The following FARS2 variants were observed in gnomAD, a reference collection of about 807,000 sequenced individuals.
FARS2 encodes the protein phenylalanyl-tRNA synthetase 2, mitochondrial.
FARS2 carries 40 observed loss-of-function variants against 46.4 expected under a neutral mutation model. That is an observed-to-expected ratio of 0.86 (90% CI 0.67 to 1.12). FARS2 has a LOEUF of 1.12. FARS2 is among the 50% of genes most tolerant of loss of function. The probability of loss-of-function intolerance (pLI) is 0.00; values close to 1 mark genes in which losing one functional copy is unlikely to be tolerated. For missense variants in FARS2, 513 were observed against 567.9 expected, an observed-to-expected ratio of 0.90 and a Z score of 0.98; for synonymous variants, 234 against 214.9, an observed-to-expected ratio of 1.09 and a Z score of -0.78.
At chr6:5,604,765 G>A (rs2150646305) in intron 5 of FARS2, among the ~76,000 whole-genome samples, 1 of 137,394 alleles carries the variant, frequency 7.3e-6, no homozygotes, top group Non-Finnish European at 1.6e-5. Flanking sequence ...TGTTAGTAAA[G>A]TATGATTTTT....
intron 4 of FARS2, among the ~76,000 whole-genome samples, chr6:5,497,571 T>G (rs1383196280): frequency 1.3e-5 from 2 of 152,218 alleles, no homozygotes; most frequent in African/African-American, 4.8e-5. Flanking sequence ...TCAACAAACA[T>G]CATTTCACAC....
rs186542826 is a variant in FARS2, at chr6:5,704,165, A to G, written c.1218-67126A>G. ...GGGACAACAGAAACTTATTCCTCAC[A>G]GTTCTGGAAGCTGGGAAGGCCAAGG... On this transcript the variant is annotated intron_variant, in intron 6 of 6. Coordinates refer to ENST00000274680, the MANE Select transcript of FARS2 (RefSeq NM_006567.5). 3.0e-4 allele frequency among the ~76,000 whole-genome samples: 46 copies of G among 152,288 alleles called. No homozygotes were observed. In the East Asian group the frequency reaches 7.7e-3, roughly 26 times the overall value.
intron 6 of FARS2, among the ~76,000 whole-genome samples, chr6:5,685,938 A>G (rs747672740): frequency 5.9e-5 from 9 of 151,994 alleles, no homozygotes; most frequent in Non-Finnish European, 1.0e-4. Context: ...ACTTTAGAAT[A>G]CTCTTCCCAC....
chr6:5,679,285 G>A (rs958348923), intron 6 of FARS2, among the ~76,000 whole-genome samples: 1 of 152,050 alleles, frequency 6.6e-6, no homozygotes, highest in Admixed American at 6.6e-5. Flanking sequence ...TTAAAACTTG[G>A]TCCTCAAAAT....
At chr6:5,535,234 C>T (rs1016938738) in intron 4 of FARS2, among the ~76,000 whole-genome samples, 6 of 152,076 alleles carry the variant, frequency 3.9e-5, no homozygotes, top group South Asian at 2.1e-4. Flanking sequence ...CCATTTATTT[C>T]GAAGTACTTT....
In FARS2 at chr6:5,341,214, TA is replaced by T. The variant is rs1771571926; in HGVS notation, c.-21-27335del. Among the ~76,000 whole-genome samples, 6 of 9,218 alleles carry T rather than the reference TA, an allele frequency of 6.5e-4. 1 individual carries two copies. Among genetic ancestry groups the T allele is most frequent in the African/African-American group, 1.4e-3 (3 of 2,090 alleles). 6.0% of individuals were successfully genotyped at this position (9,218 alleles called of 152,430 possible). A position where few individuals can be genotyped will look rare whatever the true frequency, so the allele number is the denominator to read the frequency against. ...ATATATATATATATATATATATATA[TA>T]TATATATATATATATATATATTTTT... is the stretch of plus-strand genomic sequence containing the variant. On this transcript the variant is annotated intron_variant, in intron 1 of 6. Coordinates refer to ENST00000274680, the MANE Select transcript of FARS2 (RefSeq NM_006567.5).
At chr6:5,511,935 T>TAAA (rs989049055) in intron 4 of FARS2, among the ~76,000 whole-genome samples, 1 of 152,234 alleles carries the variant, frequency 6.6e-6, no homozygotes, top group Admixed American at 6.5e-5. Context: ...TTTTCACATA[T>TAAA]AAAGGTTCAA....
chr6:5,373,457 C>T (rs1174887375), intron 2 of FARS2, among the ~76,000 whole-genome samples: 1 of 152,120 alleles, frequency 6.6e-6, no homozygotes, highest in African/African-American at 2.4e-5. Flanking sequence ...ACCCAACTAC[C>T]ATATGTGTAG....
chr6:5,734,019 A>G (rs1760798378), intron 6 of FARS2, among the ~76,000 whole-genome samples: 1 of 152,346 alleles, frequency 6.6e-6, no homozygotes, highest in Middle Eastern at 3.4e-3. Context: ...TTGCTGTTGT[A>G]AAAAGTAATC....
intron 5 of FARS2, among the ~76,000 whole-genome samples, chr6:5,558,474 G>A (rs953460999): frequency 3.3e-5 from 5 of 152,030 alleles, no homozygotes; most frequent in African/African-American, 1.2e-4. Context: ...TCTATCATTT[G>A]GCCAAATAAT....
chr6:5,464,451 T>C (rs551644262), intron 4 of FARS2, among the ~76,000 whole-genome samples: 8 of 152,292 alleles, frequency 5.3e-5, no homozygotes, highest in Middle Eastern at 3.4e-3. Context: ...TTCCTCACTA[T>C]TGGGGATATG....
upstream of FARS2, among the ~76,000 whole-genome samples, chr6:5,259,943 T>C (rs560007687): frequency 2.0e-5 from 3 of 152,176 alleles, no homozygotes; most frequent in East Asian, 1.9e-4. Context: ...AAAAGACTCA[T>C]AGGCAAATAG....
chr6:5,392,733 TATACACACACACAC>T (rs1317358101), intron 2 of FARS2, among the ~76,000 whole-genome samples: 21 of 85,132 alleles, frequency 2.5e-4, no homozygotes, highest in African/African-American at 9.9e-4. Context: ...AATATATATA[TATACACACACACAC>T]ACACACACAC....
intron 1 of FARS2, among the ~76,000 whole-genome samples, chr6:5,358,007 A>G (rs1293197291): frequency 1.3e-5 from 2 of 152,196 alleles, no homozygotes; most frequent in Non-Finnish European, 2.9e-5. Context: ...TAATTGCTGC[A>G]CTACAGTCAA....
intron 5 of FARS2, among the ~76,000 whole-genome samples, chr6:5,566,309 C>CT (rs1772319897): frequency 6.6e-6 from 1 of 151,702 alleles, no homozygotes; most frequent in Non-Finnish European, 1.5e-5. Flanking sequence ...TCAGCCATCC[C>CT]TTACAGTGTA....
intron 4 of FARS2, among the ~76,000 whole-genome samples, chr6:5,444,526 A>G (rs946232856): frequency 5.5e-5 from 8 of 144,822 alleles, no homozygotes. Flanking sequence ...AAAAAATCTT[A>G]GTGCCAGGTG....
intron 1 of FARS2, among the ~76,000 whole-genome samples, chr6:5,293,618 T>C (rs971068207): frequency 1.3e-5 from 2 of 151,974 alleles, no homozygotes; most frequent in Non-Finnish European, 2.9e-5. Context: ...TTTAATAATA[T>C]CATAGATATT....
intron 6 of FARS2, among the ~76,000 whole-genome samples, chr6:5,652,066 G>A (rs1271978165): frequency 1.3e-5 from 2 of 152,204 alleles, no homozygotes; most frequent in South Asian, 2.1e-4. Flanking sequence ...TCTGACAGGA[G>A]TCTCCGCATG....
intron 1 of FARS2, among the ~76,000 whole-genome samples, chr6:5,268,647 A>T (rs573134556): frequency 5.9e-5 from 9 of 152,276 alleles, no homozygotes; most frequent in African/African-American, 1.7e-4. Context: ...TGATGCCTCT[A>T]GCTTTGTTCT....
Sources: allele counts gnomAD v4.1 joint callset (sites outside exome capture counted in the v4.1 genomes callset), GRCh38; gene constraint gnomAD v4.1.1; transcripts MANE v1.5; gene names NCBI Gene and HGNC (gene_info 2026-07-23, HGNC 2026-07-21).